PKHD1: variants seen among roughly 807,000 people sequenced by gnomAD.
The protein encoded by PKHD1 is fibrocystin.
A neutral mutation model predicts 412.0 loss-of-function variants in PKHD1; 291 were observed. The ratio of observed to expected loss-of-function variants is 0.71; its 90% CI spans 0.64 to 0.78. PKHD1 has a LOEUF of 0.78. PKHD1 is among the 30% of genes least tolerant of loss of function. The probability of loss-of-function intolerance (pLI) is 0.00; values close to 1 mark genes in which losing one functional copy is unlikely to be tolerated. For synonymous variants in PKHD1, 1,777 were observed against 1,821.5 expected (o/e 0.98, Z 0.62); for missense variants, 4,825 against 4,950.7 (o/e 0.97, Z 0.76).
At position 51,819,691 on chromosome 6, in the gene PKHD1, T is replaced by C. The variant is rs1251746040; in HGVS notation, c.8302+11170A>G. On this transcript the variant is annotated intron_variant, in intron 52 of 66. Coordinates refer to ENST00000371117, the MANE Select transcript of PKHD1 (RefSeq NM_138694.4). ...ATGAGGCAAAGTGGCACATAATAAGTTATGCACCCAGTAAATAGTTGCTGA... is the reference window on the plus strand; with the variant it reads ...ATGAGGCAAAGTGGCACATAATAAGCTATGCACCCAGTAAATAGTTGCTGA... 2.0e-5 allele frequency among the ~76,000 whole-genome samples: 3 copies of C among 152,320 alleles called. 1 individual carries two copies. The highest frequency in any genetic ancestry group is 4.1e-4 in the South Asian group (2 of 4,828).
intron 50 of PKHD1, among the ~76,000 whole-genome samples, chr6:51,839,350 G>A (rs1769774194): frequency 6.6e-6 from 1 of 152,140 alleles, no homozygotes; most frequent in African/African-American, 2.4e-5. Context: ...TATAAATGGA[G>A]CCCCATTGTA....
chr6:51,693,999 T>C (rs1206665528), intron 60 of PKHD1, among the ~76,000 whole-genome samples: 3 of 152,128 alleles, frequency 2.0e-5, no homozygotes, highest in Non-Finnish European at 1.5e-5. Flanking sequence ...ATTATTTTAC[T>C]ATATAAACAA....
At chr6:51,677,286 A>G (rs1177013283) in intron 60 of PKHD1, among the ~76,000 whole-genome samples, 2 of 152,162 alleles carry the variant, frequency 1.3e-5, no homozygotes, top group Non-Finnish European at 2.9e-5. Context: ...CCTTCAGAGT[A>G]TAGTCACCTC....
chr6:51,992,959 G>A (rs774937196), intron 35 of PKHD1, among the ~76,000 whole-genome samples: 1 of 152,202 alleles, frequency 6.6e-6, no homozygotes. Context: ...CAACCATCAC[G>A]GAGTGGCACC....
At chr6:51,976,490 AAGG>A (rs1794454673) in intron 35 of PKHD1, among the ~76,000 whole-genome samples, 4 of 152,202 alleles carry the variant, frequency 2.6e-5, no homozygotes, top group Admixed American at 2.0e-4. Flanking sequence ...GTGCTGGGGG[AAGG>A]AGGACTAGGG....
At chr6:51,966,249 A>T (rs1792787961) in intron 35 of PKHD1, among the ~76,000 whole-genome samples, 1 of 152,178 alleles carries the variant, frequency 6.6e-6, no homozygotes. Flanking sequence ...GACATCAATC[A>T]ATATATGTAA....
rs538041231 is a variant in PKHD1, at chr6:51,988,541, T to C, written c.5751+21768A>G. Among the ~76,000 whole-genome samples the C allele has an allele frequency of 5.9e-5, 9 of 152,322 alleles. No individual in the cohort carries two copies. The South Asian group carries it at 1.9e-3, about 32-fold the overall frequency. ...AACAGCCACTGTTTTATTTCTGTAC[T>C]CTGCAAGTAGCACGTTCCAGTTTTC... On this transcript the variant is annotated intron_variant, in intron 35 of 66. Transcript: ENST00000371117.
At chr6:51,745,224 A>G (rs1371584725) in intron 59 of PKHD1, among the ~76,000 whole-genome samples, 1 of 152,202 alleles carries the variant, frequency 6.6e-6, no homozygotes, top group Non-Finnish European at 1.5e-5. Flanking sequence ...ACATAGTACT[A>G]TGATTTGAAT....
At chr6:51,626,444 T>C (rs1169153366) in intron 66 of PKHD1, among the ~76,000 whole-genome samples, 1 of 152,210 alleles carries the variant, frequency 6.6e-6, no homozygotes, top group African/African-American at 2.4e-5. Flanking sequence ...ATCTTTTCTC[T>C]GTTTGGCACT....
At chr6:51,962,943 C>T (rs1033117509) in intron 35 of PKHD1, among the ~76,000 whole-genome samples, 5 of 152,028 alleles carry the variant, frequency 3.3e-5, no homozygotes, top group African/African-American at 1.2e-4. Flanking sequence ...TGGGTCATTG[C>T]TATATTCCCA....
chr6:52,048,308 A>T (rs895727529), intron 23 of PKHD1, among the ~76,000 whole-genome samples, 184 bp downstream of exon 23: 3 of 152,266 alleles, frequency 2.0e-5, no homozygotes, highest in Non-Finnish European at 2.9e-5. Context: ...AGGTTGGGGT[A>T]GCATTAACAA....
In PKHD1 at chr6:51,796,304, T is replaced by C. The variant is rs538871346; in HGVS notation, c.8303-4931A>G. 8.5e-5 allele frequency among the ~76,000 whole-genome samples: 13 copies of C among 152,310 alleles called. No individual in the cohort carries two copies. The South Asian group carries it at 2.7e-3, about 32-fold the overall frequency. On this transcript the variant is annotated intron_variant, in intron 52 of 66. Transcript: ENST00000371117. ...CTACTTTATGTGCAAGAGGTGTTTA[T>C]AATATTCCCTGAGGGTTGTTTGTGT...
At chr6:51,655,190 T>C (rs746330968) in intron 61 of PKHD1, among the ~76,000 whole-genome samples, 1 of 152,114 alleles carries the variant, frequency 6.6e-6, no homozygotes, top group Non-Finnish European at 1.5e-5. Flanking sequence ...GAATCTCTTC[T>C]AGGATGAACA....
intron 60 of PKHD1, among the ~76,000 whole-genome samples, chr6:51,680,153 A>T (rs1285774080): frequency 6.6e-6 from 1 of 151,998 alleles, no homozygotes; most frequent in East Asian, 1.9e-4. Flanking sequence ...TTATTATGCC[A>T]AACAGAGAGA....
intron 37 of PKHD1, among the ~76,000 whole-genome samples, chr6:51,922,039 G>T (rs1784794531): frequency 6.6e-6 from 1 of 152,210 alleles, no homozygotes; most frequent in South Asian, 2.1e-4. Context: ...CAGCTTTTCT[G>T]CTCTGGTTTC....
intron 35 of PKHD1, among the ~76,000 whole-genome samples, chr6:51,994,502 T>C (rs1166102690): frequency 2.0e-5 from 3 of 152,198 alleles, no homozygotes; most frequent in African/African-American, 4.8e-5. Flanking sequence ...CATTGGAACA[T>C]GTTGATTTTG....
intron 35 of PKHD1, among the ~76,000 whole-genome samples, chr6:51,972,940 G>GA (rs1793888349): frequency 6.6e-6 from 1 of 152,194 alleles, no homozygotes; most frequent in Non-Finnish European, 1.5e-5. Context: ...CAATCTGATA[G>GA]GAACCCTCCA....
At position 51,669,358 on chromosome 6, in the gene PKHD1, T is replaced by A. The variant is rs186992403; in HGVS notation, c.10157-9389A>T. Among the ~76,000 whole-genome samples the A allele has an allele frequency of 1.2e-4, 18 of 152,344 alleles. No homozygotes were observed. In the East Asian group the frequency reaches 3.5e-3, roughly 29 times the overall value. On this transcript the variant is annotated intron_variant, in intron 60 of 66. Transcript: ENST00000371117. The stretch of plus-strand genomic sequence containing the variant: ...TAGAGTTGTTTGTAGTATTCTCTGA[T>A]GGTAGTTTGTATTTCTGTGGGATCG...
At chr6:51,675,085 T>C (rs553121555) in intron 60 of PKHD1, among the ~76,000 whole-genome samples, 1 of 152,290 alleles carries the variant, frequency 6.6e-6, no homozygotes, top group Admixed American at 6.5e-5. Flanking sequence ...ATCCTCCTAT[T>C]TTAATTTTGG....
Sources: allele counts gnomAD v4.1 joint callset (sites outside exome capture counted in the v4.1 genomes callset), GRCh38; gene constraint gnomAD v4.1.1; transcripts MANE v1.5; gene names NCBI Gene and HGNC (gene_info 2026-07-23, HGNC 2026-07-21).